Variants in CHRDL1 observed in about 807,000 individuals in gnomAD.
CHRDL1 encodes chordin like 1.
Under a neutral mutation model 40.9 loss-of-function variants are expected in CHRDL1, and 19 were observed. The ratio of observed to expected loss-of-function variants is 0.46; its 90% CI spans 0.32 to 0.68. CHRDL1 has a LOEUF of 0.68. Among genes scored for constraint, CHRDL1 ranks in the 30% least tolerant of loss-of-function variants. The pLI is 0.03. For missense variants in CHRDL1, 329 were observed against 352.1 expected, an observed-to-expected ratio of 0.93 and a Z score of 0.53; for synonymous variants, 136 against 123.4, an observed-to-expected ratio of 1.10 and a Z score of -0.68.
chrX:110,756,698 AAAAC>A (rs977941271), intron 4 of CHRDL1, among the ~76,000 whole-genome samples: 5 of 104,435 alleles, frequency 4.8e-5, no homozygotes, highest in Non-Finnish European at 9.4e-5. Flanking sequence ...AACAAAAACA[AAAAC>A]AAACAAACAA....
At chrX:110,766,872 G>A (rs1002921744) in intron 2 of CHRDL1, among the ~76,000 whole-genome samples, 2 of 111,164 alleles carry the variant, frequency 1.8e-5, no homozygotes, top group African/African-American at 6.5e-5. Context: ...CCAAAACCAG[G>A]AAAGGCCACA....
intron 6 of CHRDL1, among the ~76,000 whole-genome samples, chrX:110,709,076 G>A (rs1431751944): frequency 8.9e-6 from 1 of 112,188 alleles, no homozygotes; most frequent in Non-Finnish European, 1.9e-5. Flanking sequence ...GTGACTTTGG[G>A]CAAATGAATT....
At chrX:110,722,771 T>C (rs1407016727) in intron 4 of CHRDL1, among the ~76,000 whole-genome samples, 1 of 111,328 alleles carries the variant, frequency 9.0e-6, no homozygotes, top group Non-Finnish European at 1.9e-5. Context: ...CAACAAAAGA[T>C]ACAACCAGAG....
chrX:110,713,555 T>C (rs2070782137), intron 6 of CHRDL1, among the ~76,000 whole-genome samples: 2 of 111,781 alleles, frequency 1.8e-5, no homozygotes, highest in South Asian at 3.8e-4. Flanking sequence ...GAGATATCCT[T>C]GTCATACTCC....
At chrX:110,760,181 C>T (rs776249652) in intron 3 of CHRDL1, among the ~76,000 whole-genome samples, 2 of 112,422 alleles carry the variant, frequency 1.8e-5, no homozygotes, top group Non-Finnish European at 3.8e-5. Flanking sequence ...GGAGGCATCC[C>T]TAGCAGGTGG....
At chrX:110,791,455 C>T (rs2090099204) in intron 2 of CHRDL1, among the ~76,000 whole-genome samples, 1 of 111,647 alleles carries the variant, frequency 9.0e-6, no homozygotes, top group Non-Finnish European at 1.9e-5. Context: ...TCCTGCCACT[C>T]TCTGCTTTCT....
intron 6 of CHRDL1, among the ~76,000 whole-genome samples, chrX:110,710,861 G>A (rs1679853): frequency 0.079 from 8,752 of 111,109 alleles, 843 homozygotes; most frequent in African/African-American, 0.27. Context: ...TAATGACAGC[G>A]AGACTCTTCT....
chrX:110,743,923 A>C (rs1026591043), intron 4 of CHRDL1, among the ~76,000 whole-genome samples: 1 of 110,915 alleles, frequency 9.0e-6, no homozygotes, highest in Non-Finnish European at 1.9e-5. Flanking sequence ...TTTCAGGGTT[A>C]GGGCTGGGCA....
chrX:110,795,349 T>C (rs1182252096), intron 1 of CHRDL1, among the ~76,000 whole-genome samples: 1 of 111,924 alleles, frequency 8.9e-6, no homozygotes, highest in Non-Finnish European at 1.9e-5. Context: ...CCCTGCTACA[T>C]TAACTTTACC....
chrX:110,773,735 A>G lies in CHRDL1; in HGVS notation c.95-10928T>C, dbSNP rs756487750. Among the ~76,000 whole-genome samples, 7 of 108,547 alleles carry G rather than the reference A, an allele frequency of 6.4e-5. No homozygotes were observed. In the East Asian group the frequency reaches 2.0e-3, roughly 31 times the overall value. The allele number at this position is 108,547 out of a possible 115,157, so 94.3% of individuals were successfully genotyped here. ...AGTGAGACTGCCTCAAAAAAAAAAAAAAAAAAAAAAGTATAGTATGATTTC... is the reference window on the plus strand; with the variant it reads ...AGTGAGACTGCCTCAAAAAAAAAAAGAAAAAAAAAAGTATAGTATGATTTC... On this transcript the variant is annotated intron_variant, in intron 2 of 11. Coordinates refer to ENST00000372042, the MANE Select transcript of CHRDL1 (RefSeq NM_001143981.2).
chrX:110,769,758 AT>A (rs2089722687), intron 2 of CHRDL1, among the ~76,000 whole-genome samples: 1 of 111,674 alleles, frequency 9.0e-6, no homozygotes, highest in African/African-American at 3.3e-5. Flanking sequence ...ATTCACTATC[AT>A]TAGAACAGAG....
At chrX:110,716,525 G>A (rs922115128) in intron 6 of CHRDL1, among the ~76,000 whole-genome samples, 2 of 111,396 alleles carry the variant, frequency 1.8e-5, no homozygotes, top group African/African-American at 6.5e-5. Flanking sequence ...CACAGGTTAA[G>A]TGCTGAGGAG....
chrX:110,777,851 C>T (rs2089876771), intron 2 of CHRDL1, among the ~76,000 whole-genome samples: 1 of 111,395 alleles, frequency 9.0e-6, no homozygotes, highest in Non-Finnish European at 1.9e-5. Flanking sequence ...TTTTAATTTT[C>T]ATGAAGTCAA....
intron 4 of CHRDL1, among the ~76,000 whole-genome samples, chrX:110,735,410 C>T (rs1168563955): frequency 9.0e-6 from 1 of 111,428 alleles, no homozygotes; most frequent in Non-Finnish European, 1.9e-5. Context: ...CTATGAATGC[C>T]CCAGAAACAC....
chrX:110,709,874 C>T (rs745944077), intron 6 of CHRDL1, among the ~76,000 whole-genome samples: 5 of 110,932 alleles, frequency 4.5e-5, no homozygotes, highest in Non-Finnish European at 7.6e-5. Context: ...ATGTGGTGAG[C>T]GCCTGTAGTC....
chrX:110,685,878 T>C (rs1325649353), intron 9 of CHRDL1, among the ~76,000 whole-genome samples: 1 of 97,686 alleles, frequency 1.0e-5, no homozygotes. Context: ...AGTGGAATTT[T>C]TTAGCCAATT....
At chrX:110,676,513 G>T in intron 11 of CHRDL1, 152 bp from the exon 12 acceptor site, 1 of 455,360 alleles carries the variant, frequency 2.2e-6, no homozygotes, top group South Asian at 4.7e-5. Flanking sequence ...TCAAAAAATG[G>T]CCCCAAAACA....
At chrX:110,771,792 T>C (rs1048899887) in intron 2 of CHRDL1, among the ~76,000 whole-genome samples, 1 of 111,152 alleles carries the variant, frequency 9.0e-6, no homozygotes, top group Non-Finnish European at 1.9e-5. Context: ...TCACTACTCC[T>C]GGAGATATTA....
chrX:110,716,201 T>C (rs766661001), intron 6 of CHRDL1, among the ~76,000 whole-genome samples: 2 of 111,870 alleles, frequency 1.8e-5, no homozygotes, highest in East Asian at 5.6e-4. Context: ...AGTAATTTCC[T>C]ATTGACGAGG....
Sources: gnomAD v4.1 joint callset for allele counts (sites outside exome capture counted in the v4.1 genomes callset) on GRCh38, gnomAD v4.1.1 for gene constraint, MANE v1.5 for transcripts, NCBI Gene and HGNC (gene_info 2026-07-23, HGNC 2026-07-21) for gene names.